The following GABPA variants were observed in gnomAD, a reference collection of about 807,000 sequenced individuals.
The protein encoded by GABPA is GA-binding protein alpha chain.
GABPA carries 4 observed loss-of-function variants against 59.4 expected under a neutral mutation model. The observed-to-expected ratio is 0.07, with a 90% confidence interval of 0.03 to 0.15. The LOEUF is 0.15. Among genes scored for constraint, GABPA ranks in the 10% least tolerant of loss-of-function variants. The probability of loss-of-function intolerance (pLI) is 1.00; values close to 1 mark genes in which losing one functional copy is unlikely to be tolerated. For synonymous variants in GABPA, 164 were observed against 183.1 expected (o/e 0.90, Z 0.84); for missense variants, 251 against 543.8 (o/e 0.46, Z 5.36).
chr21:25,767,386 AAAAG>A (rs1459912222), intron 9 of GABPA, among the ~76,000 whole-genome samples: 4 of 152,024 alleles, frequency 2.6e-5, no homozygotes, highest in African/African-American at 4.8e-5. Context: ...AAGAGGGAAG[AAAAG>A]AAATCATATC....
At chr21:25,764,161 T>C (rs1568952845) in intron 7 of GABPA, 49 bp from the exon 8 acceptor site, 2 of 1,500,974 alleles carry the variant, frequency 1.3e-6, no homozygotes, top group East Asian at 2.4e-5. Flanking sequence ...TTTTTTTTTT[T>C]CCTGCTTGTA....
Position 25,735,055 on chromosome 21 carries a change from G to A in GABPA, c.-550G>A, listed in dbSNP as rs1601097551. ...TCTAGGTGAGACAGAAGCCAAACAGGAGGAGGAAGTGGAGGGTAAGTGCTT... is the reference window on the plus strand; with the variant it reads ...TCTAGGTGAGACAGAAGCCAAACAGAAGGAGGAAGTGGAGGGTAAGTGCTT... On this transcript the variant is annotated 5_prime_UTR_variant, in exon 1 of 10. Coordinates refer to ENST00000400075, the MANE Select transcript of GABPA (RefSeq NM_002040.4). The A allele has an allele frequency of 1.6e-5, 21 of 1,276,954 alleles. No homozygotes were observed. Among genetic ancestry groups the A allele is most frequent in the African/African-American group, 1.6e-4 (11 of 67,746 alleles). 79.1% of individuals were successfully genotyped at this position (1,276,954 alleles called of 1,614,324 possible).
Position 25,762,313 on chromosome 21 carries a change from T to C in GABPA, c.750T>C (p.Tyr250=), listed in dbSNP as rs565822008. The C allele has an allele frequency of 5.8e-6, 9 of 1,555,568 alleles. No individual in the cohort carries two copies. The South Asian group carries it at 9.9e-5, about 17-fold the overall frequency. ...ACAAAAAATTTTTGTTTTTTTCAGA[T>C]GTATTGGCAAGTCAAGAACAACAGA... The part of the protein sequence containing the change: ...LWSHLELLRK[Y]VLASQEQQMN... Residue 250 remains tyrosine, a splice_region_variant and synonymous_variant, in exon 7 of 10, where the codon TAT becomes TAC. Transcript: ENST00000400075.
intron 2 of GABPA, among the ~76,000 whole-genome samples, chr21:25,743,133 C>G (rs1037062855): frequency 3.3e-5 from 5 of 152,136 alleles, no homozygotes; most frequent in African/African-American, 1.2e-4. Context: ...CAGCAAGATG[C>G]CTCAGTTCCT....
At chr21:25,740,501 G>C (rs1225764369) in intron 1 of GABPA, among the ~76,000 whole-genome samples, 2 of 152,196 alleles carry the variant, frequency 1.3e-5, no homozygotes, top group Non-Finnish European at 2.9e-5. Context: ...GTTAATAACA[G>C]AACCTGGTAC....
intron 7 of GABPA, chr21:25,763,020 A>T: frequency 5.4e-6 from 2 of 373,090 alleles, no homozygotes; most frequent in South Asian, 2.8e-5. Context: ...CTTCAGCTTT[A>T]TTCTTTACCT....
rs1424597087 is a variant in GABPA at position 25,735,068 on chromosome 21, A to C, written c.-537A>C. On this transcript the variant is annotated 5_prime_UTR_variant, in exon 1 of 10. Coordinates refer to ENST00000400075, the MANE Select transcript of GABPA (RefSeq NM_002040.4). The stretch of plus-strand genomic sequence containing the variant: ...GAAGCCAAACAGGAGGAGGAAGTGG[A>C]GGGTAAGTGCTTCCGGGTCCCCTGG... 1.8e-6 allele frequency: 2 copies of C among 1,107,898 alleles called. No individual in the cohort carries two copies. The highest frequency in any genetic ancestry group is 3.1e-5 in the African/African-American group (2 of 64,484). The allele number at this position is 1,107,898 out of a possible 1,614,324, so 68.6% of individuals were successfully genotyped here. A position where few individuals can be genotyped will look rare whatever the true frequency, so the allele number is the denominator to read the frequency against.
At chr21:25,746,996 A>C (rs1352378354) in intron 3 of GABPA, among the ~76,000 whole-genome samples, 1 of 152,210 alleles carries the variant, frequency 6.6e-6, no homozygotes, top group African/African-American at 2.4e-5. Context: ...AAAAATACTT[A>C]CAAAACACTC....
At chr21:25,740,431 G>C (rs1463379959) in intron 1 of GABPA, among the ~76,000 whole-genome samples, 1 of 152,184 alleles carries the variant, frequency 6.6e-6, no homozygotes, top group Non-Finnish European at 1.5e-5. Flanking sequence ...TACTCAGAAG[G>C]TGCTGTGGAC....
At chr21:25,761,319 G>A (rs186573737) in intron 6 of GABPA, among the ~76,000 whole-genome samples, 3 of 152,216 alleles carry the variant, frequency 2.0e-5, no homozygotes, top group Admixed American at 1.3e-4. Context: ...GAAAGAGGTC[G>A]GTAATTTTAC....
intron 1 of GABPA, among the ~76,000 whole-genome samples, chr21:25,740,453 A>G (rs1432372200): frequency 2.0e-5 from 3 of 152,228 alleles, no homozygotes; most frequent in Non-Finnish European, 2.9e-5. Context: ...GAAAGTGCGT[A>G]TGGAATTCAA....
At chr21:25,746,152 C>T (rs2035358065) in intron 3 of GABPA, among the ~76,000 whole-genome samples, 1 of 151,956 alleles carries the variant, frequency 6.6e-6, no homozygotes, top group South Asian at 2.1e-4. Context: ...GCTGGGACTA[C>T]TACAGGCCGA....
At chr21:25,739,004 A>G (rs2035150313) in intron 1 of GABPA, among the ~76,000 whole-genome samples, 1 of 151,976 alleles carries the variant, frequency 6.6e-6, no homozygotes, top group Non-Finnish European at 1.5e-5. Context: ...GCATTCTGCT[A>G]GATATGCACG....
At chr21:25,738,935 A>C (rs1264746930) in intron 1 of GABPA, among the ~76,000 whole-genome samples, 2 of 151,944 alleles carry the variant, frequency 1.3e-5, no homozygotes, top group Admixed American at 6.6e-5. Context: ...AAAAAAAAAA[A>C]CCAAAAACAG....
Position 25,764,304 on chromosome 21 carries a change from G to A in GABPA, c.897G>A (p.Ala299=), listed in dbSNP as rs147015240. ...CGAAAGCAGCCAAAGTACAAAGAGC[G>A]CCGAGGATTTCAGGAGAAGATAGAA... ...SSAKAAKVQR[A]PRISGEDRSS... is the part of the protein sequence containing the mutation. Residue 299 remains alanine, a synonymous_variant, in exon 8 of 10, where the codon GCG becomes GCA. Transcript: ENST00000400075. 2,720 of 1,612,374 alleles carry A rather than the reference G, an allele frequency of 1.7e-3. 6 individuals are homozygous for A. Among genetic ancestry groups the A allele is most frequent in the Non-Finnish European group, 2.0e-3 (2,312 of 1,179,026 alleles).
chr21:25,771,133 A>G lies in GABPA; in HGVS notation c.*1901A>G, dbSNP rs1428442983. On this transcript the variant is annotated 3_prime_UTR_variant, in exon 10 of 10. Transcript: ENST00000400075. Reference sequence around the variant, plus strand: ...AGTTGCTTGTAGTTTTAAAAAAATAATAAAGTATACCCTTCTGGTATATCA... The same window carrying G: ...AGTTGCTTGTAGTTTTAAAAAAATAGTAAAGTATACCCTTCTGGTATATCA... The G allele has an allele frequency of 6.6e-6, 1 of 152,026 alleles. No homozygotes were observed. The highest frequency in any genetic ancestry group is 1.5e-5 in the Non-Finnish European group (1 of 67,892). The allele number at this position is 152,026 out of a possible 1,614,324, so 9.4% of individuals were successfully genotyped here. A position where few individuals can be genotyped will look rare whatever the true frequency, so the allele number is the denominator to read the frequency against.
intron 7 of GABPA, among the ~76,000 whole-genome samples, chr21:25,763,514 A>G (rs1271860556): frequency 6.6e-6 from 1 of 152,156 alleles, no homozygotes; most frequent in East Asian, 1.9e-4. Flanking sequence ...CTACCAGAGA[A>G]CTATCTTGAA....
intron 5 of GABPA, among the ~76,000 whole-genome samples, chr21:25,753,261 A>C (rs553914978): frequency 1.1e-4 from 16 of 152,236 alleles, no homozygotes; most frequent in African/African-American, 3.9e-4. Flanking sequence ...GTGGAAGTTT[A>C]TATTCAGCTG....
At chr21:25,768,556 A>G (rs2035946007) in intron 9 of GABPA, among the ~76,000 whole-genome samples, 1 of 152,090 alleles carries the variant, frequency 6.6e-6, no homozygotes, top group Non-Finnish European at 1.5e-5. Flanking sequence ...CAACAATGAT[A>G]TGAGGGTATA....
Sources: gnomAD v4.1 joint callset for allele counts (sites outside exome capture counted in the v4.1 genomes callset) on GRCh38, gnomAD v4.1.1 for gene constraint, MANE v1.5 for transcripts, NCBI Gene and HGNC (gene_info 2026-07-23, HGNC 2026-07-21) for gene names.